Variants in TMEM178B observed in about 807,000 individuals in gnomAD.
The protein encoded by TMEM178B is transmembrane protein 178B.
Under a neutral mutation model 31.0 loss-of-function variants are expected in TMEM178B, and 5 were observed. The observed-to-expected ratio is 0.16, with a 90% CI of 0.08 to 0.34. TMEM178B has a LOEUF of 0.34. Ranked by LOEUF, TMEM178B falls within the 10% of genes least tolerant of loss-of-function variation. The probability of loss-of-function intolerance (pLI) is 1.00; values close to 1 mark genes in which losing one functional copy is unlikely to be tolerated. For missense variants in TMEM178B, 275 were observed against 400.3 expected (o/e 0.69, Z 2.67); for synonymous variants, 164 against 164.0 (o/e 1.00, Z 0.00).
At chr7:141,281,614 C>A (rs1275206293) in intron 2 of TMEM178B, among the ~76,000 whole-genome samples, 1 of 152,098 alleles carries the variant, frequency 6.6e-6, no homozygotes, top group Non-Finnish European at 1.5e-5. Context: ...TGGGAGGGTT[C>A]CTGTTTGTCC....
intron 1 of TMEM178B, among the ~76,000 whole-genome samples, chr7:141,111,905 C>T (rs1795239549): frequency 6.6e-6 from 1 of 152,146 alleles, no homozygotes; most frequent in Admixed American, 6.5e-5. Context: ...GATTATACCC[C>T]TCAATAAACT....
At chr7:141,225,306 A>G (rs1315313711) in intron 2 of TMEM178B, among the ~76,000 whole-genome samples, 1 of 152,060 alleles carries the variant, frequency 6.6e-6, no homozygotes, top group African/African-American at 2.4e-5. Context: ...GCTCTATCTT[A>G]TTATCTAAAG....
chr7:141,500,333 T>C, the TMEM178B span, among the ~76,000 whole-genome samples: 1 of 152,050 alleles, frequency 6.6e-6, no homozygotes, highest in Admixed American at 6.5e-5. Context: ...CATAAGCCAA[T>C]GGGAATGGAT....
At chr7:141,500,906 C>T in the TMEM178B span, among the ~76,000 whole-genome samples, 1 of 151,854 alleles carries the variant, frequency 6.6e-6, no homozygotes, top group Non-Finnish European at 1.5e-5. Context: ...GTAATAAGCT[C>T]GATTGGAAAT....
intron 2 of TMEM178B, among the ~76,000 whole-genome samples, chr7:141,249,908 T>C (rs539083774): frequency 2.0e-4 from 31 of 152,318 alleles, no homozygotes; most frequent in Admixed American, 1.3e-3. Context: ...AGAGGCAAGC[T>C]TTAGTGGAGA....
chr7:141,093,187 C>T (rs1461546637), intron 1 of TMEM178B, among the ~76,000 whole-genome samples: 2 of 152,056 alleles, frequency 1.3e-5, no homozygotes, highest in Non-Finnish European at 2.9e-5. Context: ...AGCCAGGAGA[C>T]CAGCCAGCAA....
chr7:141,420,026 G>A (rs896192038), intron 2 of TMEM178B, among the ~76,000 whole-genome samples: 10 of 152,112 alleles, frequency 6.6e-5, no homozygotes, highest in African/African-American at 2.4e-4. Context: ...TCTTCCCCCA[G>A]ACATTCACAT....
chr7:141,308,080 A>G (rs1224216378), intron 2 of TMEM178B, among the ~76,000 whole-genome samples: 4 of 152,168 alleles, frequency 2.6e-5, no homozygotes, highest in African/African-American at 9.7e-5. Flanking sequence ...TTTGATTTGT[A>G]TCCCCTTTTG....
chr7:141,486,344 C>T, the TMEM178B span, among the ~76,000 whole-genome samples: 2 of 152,194 alleles, frequency 1.3e-5, no homozygotes, highest in African/African-American at 4.8e-5. Context: ...GCCCTGACTT[C>T]ATCGCTAATC....
At chr7:141,230,351 C>G (rs1797421681) in intron 2 of TMEM178B, among the ~76,000 whole-genome samples, 1 of 152,148 alleles carries the variant, frequency 6.6e-6, no homozygotes. Context: ...ATTGAAAAAT[C>G]CTTTTCCCCT....
At chr7:141,155,260 C>T (rs1007151791) in intron 1 of TMEM178B, among the ~76,000 whole-genome samples, 8 of 152,154 alleles carry the variant, frequency 5.3e-5, no homozygotes, top group Admixed American at 1.3e-4. Flanking sequence ...ACATGTGAGT[C>T]GGGTACTCAT....
chr7:141,365,833 T>G (rs954087969), intron 2 of TMEM178B, among the ~76,000 whole-genome samples: 2 of 152,196 alleles, frequency 1.3e-5, no homozygotes, highest in African/African-American at 4.8e-5. Flanking sequence ...CTACAAAAAT[T>G]ACCTGACATC....
intron 1 of TMEM178B, among the ~76,000 whole-genome samples, chr7:141,081,595 C>T (rs1326518238): frequency 2.7e-5 from 4 of 150,894 alleles, no homozygotes; most frequent in Non-Finnish European, 5.9e-5. Context: ...GAGATTGCAC[C>T]ATTGCGCTCC....
At chr7:141,497,005 A>G in the TMEM178B span, among the ~76,000 whole-genome samples, 10 of 152,202 alleles carry the variant, frequency 6.6e-5, no homozygotes, top group East Asian at 1.9e-3. Context: ...AAAATCAGGT[A>G]GAGGCTACGA....
At chr7:141,291,907 T>C (rs1798552488) in intron 2 of TMEM178B, among the ~76,000 whole-genome samples, 1 of 149,498 alleles carries the variant, frequency 6.7e-6, no homozygotes, top group Non-Finnish European at 1.5e-5. Context: ...CCCTTGGTTT[T>C]GTGTATGTCA....
intron 2 of TMEM178B, among the ~76,000 whole-genome samples, chr7:141,213,674 A>T (rs1797083467): frequency 6.6e-6 from 1 of 152,194 alleles, no homozygotes; most frequent in Non-Finnish European, 1.5e-5. Context: ...ATAGGTGCTT[A>T]GTTATCTTTT....
intron 2 of TMEM178B, among the ~76,000 whole-genome samples, chr7:141,385,242 G>C (rs1800410112): frequency 6.6e-6 from 1 of 152,236 alleles, no homozygotes; most frequent in Admixed American, 6.5e-5. Context: ...CTCTTCAGTA[G>C]CTGCAATGTG....
chr7:141,486,500 T>C, the TMEM178B span, among the ~76,000 whole-genome samples: 156 of 152,262 alleles, frequency 1.0e-3, 4 homozygotes, highest in Non-Finnish European at 1.2e-3. Context: ...CCATCTTGTG[T>C]TGTCACTGAG....
the TMEM178B span, among the ~76,000 whole-genome samples, chr7:141,499,336 C>T: frequency 2.1e-4 from 32 of 151,966 alleles, no homozygotes; most frequent in South Asian, 2.1e-3. Context: ...GGGATAAAAA[C>T]GGAAAAGACG....
Sources: gnomAD v4.1 joint callset for allele counts (sites outside exome capture counted in the v4.1 genomes callset) on GRCh38, gnomAD v4.1.1 for gene constraint, MANE v1.5 for transcripts, NCBI Gene and HGNC (gene_info 2026-07-23, HGNC 2026-07-21) for gene names.